Variants in TTC7B observed in about 807,000 individuals in gnomAD.
TTC7B encodes tetratricopeptide repeat protein 7B.
A neutral mutation model predicts 106.8 loss-of-function variants in TTC7B; 28 were observed. The ratio of observed to expected loss-of-function variants is 0.26; its 90% CI spans 0.19 to 0.36. TTC7B has a LOEUF of 0.36. TTC7B is among the 10% of genes least tolerant of loss of function. The probability of loss-of-function intolerance (pLI) is 1.00; values close to 1 mark genes in which losing one functional copy is unlikely to be tolerated. For synonymous variants in TTC7B, 405 were observed against 430.6 expected (o/e 0.94, Z 0.74); for missense variants, 862 against 1,076.4 (o/e 0.80, Z 2.79).
chr14:90,583,010 G>C (rs182321689), intron 18 of TTC7B, among the ~76,000 whole-genome samples: 41 of 152,158 alleles, frequency 2.7e-4, no homozygotes, highest in Non-Finnish European at 4.3e-4. Flanking sequence ...ACAGAACGAG[G>C]CCACAAGTAT....
At chr14:90,603,278 A>G in intron 17 of TTC7B, 1 of 1,290,028 alleles carries the variant, frequency 7.8e-7, no homozygotes, top group Non-Finnish European at 1.0e-6. Flanking sequence ...AAGGAAAACC[A>G]TGAAAGTATG....
chr14:90,643,280 C>T (rs966168241), intron 15 of TTC7B, among the ~76,000 whole-genome samples: 14 of 151,752 alleles, frequency 9.2e-5, no homozygotes, highest in Non-Finnish European at 2.1e-4. Flanking sequence ...TGGTGGCAGG[C>T]GCCTGTAGTC....
At chr14:90,651,844 C>T (rs1398865228) in intron 13 of TTC7B, among the ~76,000 whole-genome samples, 1 of 152,160 alleles carries the variant, frequency 6.6e-6, no homozygotes, top group South Asian at 2.1e-4. Context: ...ATACGGACAC[C>T]ATGATAAATC....
chr14:90,727,681 G>A (rs1318431962), intron 5 of TTC7B, among the ~76,000 whole-genome samples: 1 of 152,218 alleles, frequency 6.6e-6, no homozygotes, highest in Non-Finnish European at 1.5e-5. Context: ...AGGAATGACA[G>A]CTAAAAAGCT....
chr14:90,541,175 C>CAA lies in TTC7B; in HGVS notation c.*191_*192dup. The CAA allele has an allele frequency of 2.2e-6, 1 of 462,158 alleles. No homozygotes were observed. Among genetic ancestry groups the CAA allele is most frequent in the African/African-American group, 2.0e-5 (1 of 50,824 alleles). The allele number at this position is 462,158 out of a possible 1,614,324, so 28.6% of individuals were successfully genotyped here. On this transcript the variant is annotated 3_prime_UTR_variant, in exon 20 of 20. Transcript: ENST00000328459. ...GGTTCAGAAACTACCATTGGGCTGG[C>CAA]AAAAAAAACAAGAGAAACGCACATG...
chr14:90,728,329 C>T (rs1255063224), intron 5 of TTC7B, among the ~76,000 whole-genome samples: 1 of 131,982 alleles, frequency 7.6e-6, no homozygotes, highest in African/African-American at 2.9e-5. Context: ...AAGACCTCGT[C>T]CCCCCCGCAA....
At position 90,780,841 on chromosome 14, in the gene TTC7B, T is replaced by G; in HGVS notation, c.342A>C (p.Lys114Asn). 6.2e-7 allele frequency: 1 copy of G among 1,614,264 alleles called. No individual in the cohort carries two copies. Among genetic ancestry groups the G allele is most frequent in the Non-Finnish European group, 8.5e-7 (1 of 1,180,034 alleles). ...CCCGGGCGTAAATGTTCAGAGCTTC[T>G]TTATAATCACCTTCCACATAATTCA... ...AKLNYVEGDY[K>N]EALNIYARVG... Residue 114 changes from lysine to asparagine, a missense_variant, in exon 3 of 20, where the codon AAA becomes AAC. Lys to Asn is a moderately conservative substitution (Grantham distance 94, BLOSUM62 0). Transcript: ENST00000328459.
intron 16 of TTC7B, among the ~76,000 whole-genome samples, chr14:90,615,818 A>G (rs1893047649): frequency 6.6e-6 from 1 of 152,164 alleles, no homozygotes; most frequent in South Asian, 2.1e-4. Context: ...GGGCTGCTCA[A>G]TTCACCACTC....
intron 8 of TTC7B, among the ~76,000 whole-genome samples, chr14:90,677,366 A>G (rs906992166): frequency 6.6e-6 from 1 of 152,244 alleles, no homozygotes; most frequent in Non-Finnish European, 1.5e-5. Context: ...ACAGAAATAC[A>G]TCAGGCACAT....
rs893501406 is a variant in TTC7B, at chr14:90,526,247, G to T, written c.*15121C>A. On this transcript the variant is annotated 3_prime_UTR_variant, in exon 20 of 20. Transcript: ENST00000328459. ...TAGTGGGTGTAAGGTGGTATCTCTT[G>T]GAGTTTTGACTTGCATTTCCCTAGT... 3 of 152,102 alleles carry T rather than the reference G, an allele frequency of 2.0e-5. No individual in the cohort carries two copies. The highest frequency in any genetic ancestry group is 1.5e-5 in the Non-Finnish European group (1 of 68,010). The allele number at this position is 152,102 out of a possible 1,614,324, so 9.4% of individuals were successfully genotyped here. A position where few individuals can be genotyped will look rare whatever the true frequency, so the allele number is the denominator to read the frequency against.
rs374532084 is a variant in TTC7B at position 90,717,903 on chromosome 14, C to G, written c.698+12172G>C. 1.5e-4 allele frequency among the ~76,000 whole-genome samples: 23 copies of G among 152,326 alleles called. No homozygotes were observed. The South Asian group carries it at 4.8e-3, about 32-fold the overall frequency. ...TTCCCCAACAGATACATCTGGACCC[C>G]CTCTGTGATGCAGATGTCACTAAAT... On this transcript the variant is annotated intron_variant, in intron 5 of 19. Transcript: ENST00000328459.
intron 9 of TTC7B, among the ~76,000 whole-genome samples, chr14:90,666,086 AGGGCTGCACACAGT>A (rs1236255182): frequency 6.6e-6 from 1 of 152,232 alleles, no homozygotes; most frequent in East Asian, 1.9e-4. Flanking sequence ...GGACCTCCCC[AGGGCTGCACACAGT>A]GGCAGACCTA....
At position 90,578,217 on chromosome 14, in the gene TTC7B, G is replaced by C; in HGVS notation, c.2199C>G (p.Leu733=). The part of the protein sequence containing the change: ...ANLFPMSHNV[L]YMRGQIAELR... Reference sequence around the variant, plus strand: ...GCTCAGCAATCTGGCCGCGCATGTAGAGGACATTGTGGGACATTGGGAAGA... The same window carrying C: ...GCTCAGCAATCTGGCCGCGCATGTACAGGACATTGTGGGACATTGGGAAGA... Residue 733 remains leucine, a synonymous_variant, in exon 19 of 20, where the codon CTC becomes CTG. Transcript: ENST00000328459. The surrounding 1 kb of genome is among the most constrained non-coding windows in gnomAD (Gnocchi z 4.7). The C allele has an allele frequency of 6.2e-7, 1 of 1,614,238 alleles. No homozygotes were observed. The highest frequency in any genetic ancestry group is 8.5e-7 in the Non-Finnish European group (1 of 1,180,042).
chr14:90,562,283 G>C (rs913177580), intron 19 of TTC7B, among the ~76,000 whole-genome samples: 11 of 152,030 alleles, frequency 7.2e-5, no homozygotes, highest in African/African-American at 2.4e-4. Flanking sequence ...ACCCAACCAG[G>C]CTCCTGAACC....
chr14:90,609,325 C>A (rs996490853), intron 17 of TTC7B, among the ~76,000 whole-genome samples: 8 of 152,176 alleles, frequency 5.3e-5, no homozygotes, highest in Admixed American at 2.0e-4. Context: ...GCTTCCAGTG[C>A]CCAAAAATCT....
intron 9 of TTC7B, among the ~76,000 whole-genome samples, chr14:90,668,311 A>T (rs1032994892): frequency 2.6e-5 from 4 of 152,206 alleles, no homozygotes; most frequent in African/African-American, 4.8e-5. Context: ...CCATTATCTT[A>T]TTGAGCTTCC....
At chr14:90,595,177 C>G (rs895647585) in intron 17 of TTC7B, among the ~76,000 whole-genome samples, 4 of 151,650 alleles carry the variant, frequency 2.6e-5, no homozygotes, top group Admixed American at 6.6e-5. Context: ...ACTAAAAATA[C>G]AAAAAATTAG....
At chr14:90,786,354 T>G (rs1271394073) in intron 1 of TTC7B, 26 bp from the exon 2 acceptor site, 1 of 1,611,252 alleles carries the variant, frequency 6.2e-7, no homozygotes, top group Admixed American at 1.7e-5. Context: ...GAGAACAAAG[T>G]GGGAGCAAGG....
At chr14:90,740,796 C>T (rs1889732183) in intron 4 of TTC7B, among the ~76,000 whole-genome samples, 1 of 152,106 alleles carries the variant, frequency 6.6e-6, no homozygotes, top group African/African-American at 2.4e-5. Flanking sequence ...GCCACCACAC[C>T]CGGCCTCTTT....
Sources: allele counts gnomAD v4.1 joint callset (sites outside exome capture counted in the v4.1 genomes callset), GRCh38; gene constraint gnomAD v4.1.1; non-coding constraint Gnocchi (gnomAD v3.1); transcripts MANE v1.5; gene names NCBI Gene and HGNC (gene_info 2026-07-23, HGNC 2026-07-21).